Variants in TBL1X observed in about 807,000 individuals in gnomAD.
TBL1X encodes F-box-like/WD repeat-containing protein TBL1X.
In TBL1X, 10 loss-of-function variants were observed where a neutral mutation model predicts 50.7. That is an observed-to-expected ratio of 0.20 (90% CI 0.12 to 0.33). TBL1X has a LOEUF of 0.33. Among genes scored for constraint, TBL1X ranks in the 10% least tolerant of loss-of-function variants. The pLI is 1.00. For synonymous variants in TBL1X, 190 were observed against 214.7 expected, an observed-to-expected ratio of 0.88 and a Z score of 1.01; for missense variants, 340 against 504.4, an observed-to-expected ratio of 0.67 and a Z score of 3.12.
chrX:9,592,071 G>A (rs577100814), intron 2 of TBL1X, among the ~76,000 whole-genome samples: 20 of 112,026 alleles, frequency 1.8e-4, no homozygotes, highest in Admixed American at 9.4e-4. Context: ...TTACATTTTC[G>A]TATCTGTTGA....
At chrX:9,585,340 T>TCCCCCCCCCCCCCCCC (rs397840236) in intron 2 of TBL1X, among the ~76,000 whole-genome samples, 5 of 58,126 alleles carry the variant, frequency 8.6e-5, no homozygotes, top group Non-Finnish European at 1.6e-4. Flanking sequence ...CCCCCTCCCC[T>TCCCCCCCCCCCCCCCC]CCCCCCCCCG....
intron 2 of TBL1X, among the ~76,000 whole-genome samples, chrX:9,546,309 C>T (rs769665013): frequency 2.5e-4 from 28 of 111,778 alleles, no homozygotes; most frequent in African/African-American, 6.8e-4. Flanking sequence ...GTCAGGAGAT[C>T]GAGACCCATC....
At chrX:9,584,930 C>T (rs1386355834) in intron 2 of TBL1X, among the ~76,000 whole-genome samples, 1 of 111,265 alleles carries the variant, frequency 9.0e-6, no homozygotes, top group African/African-American at 3.3e-5. Flanking sequence ...GATTGTATAA[C>T]ATTGTGAATG....
intron 2 of TBL1X, among the ~76,000 whole-genome samples, chrX:9,542,441 C>T (rs919567038): frequency 4.5e-5 from 5 of 111,792 alleles, no homozygotes; most frequent in Non-Finnish European, 9.4e-5. Context: ...CACAGCATTC[C>T]GGTAGCTCCC....
rs2082134372 is a variant in TBL1X, at chrX:9,526,704, C to G, written c.-131+24855C>G. On this transcript the variant is annotated intron_variant, in intron 2 of 17. Coordinates refer to ENST00000645353, the MANE Select transcript of TBL1X (RefSeq NM_005647.4). ...AAGGCAGCCCTGCACATTGCATAAA[C>G]AAACAAATGTGGCTGTATTCCAATA... 4.4e-5 allele frequency among the ~76,000 whole-genome samples: 5 copies of G among 112,377 alleles called. No homozygotes were observed. The South Asian group carries it at 1.8e-3, about 41-fold the overall frequency.
chrX:9,502,310 A>G (rs1459849199), intron 2 of TBL1X, among the ~76,000 whole-genome samples: 3 of 112,418 alleles, frequency 2.7e-5, no homozygotes, highest in Non-Finnish European at 5.6e-5. Context: ...TGTCTTGCTC[A>G]AGACCAGCCC....
At chrX:9,518,606 C>G in intron 2 of TBL1X, among the ~76,000 whole-genome samples, 1 of 111,688 alleles carries the variant, frequency 9.0e-6, no homozygotes, top group East Asian at 2.8e-4. Context: ...GACCAGAGGA[C>G]AGAGCCTAAG....
chrX:9,575,119 G>A (rs1430945058), intron 2 of TBL1X, among the ~76,000 whole-genome samples: 1 of 111,580 alleles, frequency 9.0e-6, no homozygotes, highest in Admixed American at 9.5e-5. Flanking sequence ...AAGGCGAAGA[G>A]GAGGCAAGAC....
At chrX:9,599,592 G>A (rs1007553993) in intron 2 of TBL1X, among the ~76,000 whole-genome samples, 1 of 111,796 alleles carries the variant, frequency 8.9e-6, no homozygotes, top group African/African-American at 3.3e-5. Flanking sequence ...TTTGAGTTTT[G>A]TAGAGAGATC....
intron 1 of TBL1X, among the ~76,000 whole-genome samples, chrX:9,488,784 A>G (rs2081926596): frequency 9.0e-6 from 1 of 110,703 alleles, no homozygotes; most frequent in Admixed American, 9.6e-5. Context: ...CTCTCGAATA[A>G]TTGAGAAATC....
intron 2 of TBL1X, among the ~76,000 whole-genome samples, chrX:9,509,482 CTTTTTTTTTT>C (rs63110360): frequency 1.6e-5 from 1 of 63,552 alleles, no homozygotes; most frequent in South Asian, 1.2e-3. Flanking sequence ...TACAGAATCG[CTTTTTTTTTT>C]TTTTTTTTTT....
intron 5 of TBL1X, among the ~76,000 whole-genome samples, chrX:9,674,149 T>A (rs913192037): frequency 8.9e-6 from 1 of 112,531 alleles, no homozygotes; most frequent in Non-Finnish European, 1.9e-5. Flanking sequence ...AATACATATA[T>A]TTTTAATTTT....
intron 4 of TBL1X, among the ~76,000 whole-genome samples, chrX:9,653,904 G>A (rs2082850619): frequency 8.9e-6 from 1 of 111,932 alleles, no homozygotes; most frequent in Admixed American, 9.5e-5. Flanking sequence ...TGAACGCAAA[G>A]TCAGTTGTTT....
intron 1 of TBL1X, among the ~76,000 whole-genome samples, chrX:9,492,170 T>G (rs1038384680): frequency 2.7e-5 from 3 of 111,945 alleles, no homozygotes; most frequent in Admixed American, 9.5e-5. Flanking sequence ...GAAGGTTTCT[T>G]TTCTTCCTGG....
At chrX:9,708,105 G>C (rs1255036057) in intron 13 of TBL1X, among the ~76,000 whole-genome samples, 3 of 111,894 alleles carry the variant, frequency 2.7e-5, no homozygotes, top group Non-Finnish European at 5.6e-5. Context: ...ACCCCTGAGG[G>C]AGCCCCAAGC....
chrX:9,670,527 G>C (rs2082954960), intron 5 of TBL1X, among the ~76,000 whole-genome samples: 1 of 112,233 alleles, frequency 8.9e-6, no homozygotes, highest in Non-Finnish European at 1.9e-5. Flanking sequence ...TGATAAATCA[G>C]CTCTGTCTAG....
At chrX:9,590,723 T>G (rs925033388) in intron 2 of TBL1X, among the ~76,000 whole-genome samples, 1 of 111,581 alleles carries the variant, frequency 9.0e-6, no homozygotes, top group African/African-American at 3.3e-5. Context: ...GTGTTTGTTG[T>G]TTTTGGTTGT....
At chrX:9,592,625 T>TTCCCC (rs765497429) in intron 2 of TBL1X, among the ~76,000 whole-genome samples, 47 of 111,606 alleles carry the variant, frequency 4.2e-4, no homozygotes, top group African/African-American at 1.4e-3. Flanking sequence ...TAACTGGCCC[T>TTCCCC]TCCACACTCC....
intron 12 of TBL1X, among the ~76,000 whole-genome samples, chrX:9,701,569 TAAAAAAAAAAAA>T (rs63287561): frequency 2.1e-5 from 1 of 47,035 alleles, no homozygotes; most frequent in African/African-American, 8.6e-5. Context: ...CTTGATGAGC[TAAAAAAAAAAAA>T]AAAAAAAAAA....
Sources: allele counts gnomAD v4.1 joint callset (sites outside exome capture counted in the v4.1 genomes callset), GRCh38; gene constraint gnomAD v4.1.1; transcripts MANE v1.5; gene names NCBI Gene and HGNC (gene_info 2026-07-23, HGNC 2026-07-21).